Variants in SMIM31 observed in about 807,000 individuals in gnomAD.
SMIM31 encodes the protein human epithelial cell program regulator.
At chr4:164,766,209 A>C (rs1348337576) in intron 1 of SMIM31, among the ~76,000 whole-genome samples, 1 of 152,224 alleles carries the variant, frequency 6.6e-6, no homozygotes, top group Non-Finnish European at 1.5e-5. Context: ...GCCATTTTCA[A>C]AATATACTTC....
At chr4:164,790,977 C>A (rs1266929693) in intron 2 of SMIM31, among the ~76,000 whole-genome samples, 1 of 152,194 alleles carries the variant, frequency 6.6e-6, no homozygotes, top group Admixed American at 6.5e-5. Context: ...GTGGAATCTG[C>A]AAACATTCAG....
intron 1 of SMIM31, among the ~76,000 whole-genome samples, chr4:164,761,719 C>T (rs1732652484): frequency 6.6e-6 from 1 of 151,516 alleles, no homozygotes; most frequent in Admixed American, 6.6e-5. Flanking sequence ...GAGTTCAAGA[C>T]CAGCCTGGCC....
At chr4:164,783,585 T>TCTAAATGTCTGCCAAAA (rs147560190) in intron 2 of SMIM31, among the ~76,000 whole-genome samples, 1 of 150,448 alleles carries the variant, frequency 6.6e-6, no homozygotes, top group African/African-American at 2.5e-5. Context: ...AAATGAAATT[T>TCTAAATGTCTGCCAAAA]CAGAAAACAG....
intron 2 of SMIM31, among the ~76,000 whole-genome samples, chr4:164,775,580 C>A (rs886595791): frequency 6.6e-6 from 1 of 152,212 alleles, no homozygotes; most frequent in Non-Finnish European, 1.5e-5. Flanking sequence ...TTGAGGTGCT[C>A]TCCCTATAGT....
At chr4:164,772,573 T>C (rs187807820) in intron 2 of SMIM31, among the ~76,000 whole-genome samples, 183 of 88,286 alleles carry the variant, frequency 2.1e-3, no homozygotes, top group African/African-American at 6.6e-3. Context: ...TTATTTTTTT[T>C]ATTTTTATTT....
chr4:164,792,186 G>A (rs1238079190), intron 2 of SMIM31, among the ~76,000 whole-genome samples: 1 of 152,122 alleles, frequency 6.6e-6, no homozygotes, highest in Non-Finnish European at 1.5e-5. Flanking sequence ...ATGGTGCTAG[G>A]CCACAGACTA....
intron 2 of SMIM31, among the ~76,000 whole-genome samples, chr4:164,796,525 C>T (rs6824778): frequency 0.083 from 12,705 of 152,184 alleles, 595 homozygotes; most frequent in African/African-American, 0.14. Context: ...TGATGAGTCA[C>T]AAATTTGTAT....
intron 2 of SMIM31, among the ~76,000 whole-genome samples, chr4:164,794,608 C>T (rs1259194263): frequency 6.6e-6 from 1 of 151,968 alleles, no homozygotes; most frequent in Non-Finnish European, 1.5e-5. Context: ...AGATCAAGAC[C>T]ATCCTGGCCA....
chr4:164,782,239 G>C (rs530494232), intron 2 of SMIM31, among the ~76,000 whole-genome samples: 2 of 151,416 alleles, frequency 1.3e-5, no homozygotes, highest in African/African-American at 4.9e-5. Flanking sequence ...GCAGTGAGCC[G>C]AGACCGCGCC....
intron 1 of SMIM31, among the ~76,000 whole-genome samples, chr4:164,760,453 A>G (rs980990006): frequency 6.6e-6 from 1 of 152,044 alleles, no homozygotes; most frequent in African/African-American, 2.4e-5. Flanking sequence ...AATAGGGGCC[A>G]GGCCTGGTGG....
intron 1 of SMIM31, among the ~76,000 whole-genome samples, chr4:164,763,700 G>A (rs1315470049): frequency 6.6e-6 from 1 of 152,148 alleles, no homozygotes; most frequent in African/African-American, 2.4e-5. Context: ...AACAATCACA[G>A]TACATTTAGC....
In SMIM31 at chr4:164,802,003, G is replaced by C. The variant is rs1037912517; in HGVS notation, c.*809G>C. 2.0e-5 allele frequency: 3 copies of C among 152,000 alleles called. No homozygotes were observed. The highest frequency in any genetic ancestry group is 7.3e-5 in the African/African-American group (3 of 41,368). 9.4% of individuals were successfully genotyped at this position (152,000 alleles called of 1,614,324 possible). A position where few individuals can be genotyped will look rare whatever the true frequency, so the allele number is the denominator to read the frequency against. On this transcript the variant is annotated 3_prime_UTR_variant, in exon 3 of 3. Transcript: ENST00000507311. ...AATCCCAGCACTTTGGGAGGCCGAG[G>C]TGGGCAGATCACGAGGTCAGGAGAT...
chr4:164,788,478 C>CTTTTTTGTTTTTT (rs1733056315), intron 2 of SMIM31, among the ~76,000 whole-genome samples: 1 of 58,162 alleles, frequency 1.7e-5, no homozygotes, highest in Non-Finnish European at 3.2e-5. Context: ...TCTAATTTTT[C>CTTTTTTGTTTTTT]TTTTTTTTTT....
At chr4:164,758,842 G>A (rs28844270) in intron 1 of SMIM31, among the ~76,000 whole-genome samples, 1 of 39,464 alleles carries the variant, frequency 2.5e-5, no homozygotes, top group Non-Finnish European at 4.9e-5. Flanking sequence ...TTTTTTTTTT[G>A]TATTTTTAGT....
intron 2 of SMIM31, among the ~76,000 whole-genome samples, chr4:164,783,675 A>G (rs1329278261): frequency 6.6e-6 from 1 of 151,956 alleles, no homozygotes; most frequent in Admixed American, 6.5e-5. Context: ...CCAGCTACTT[A>G]GCAGGCTAAG....
At chr4:164,785,491 G>A (rs1198864629) in intron 2 of SMIM31, among the ~76,000 whole-genome samples, 1 of 151,948 alleles carries the variant, frequency 6.6e-6, no homozygotes, top group African/African-American at 2.4e-5. Flanking sequence ...GAATCAAATG[G>A]TATGGAAACT....
intron 2 of SMIM31, among the ~76,000 whole-genome samples, chr4:164,779,097 A>G (rs1216890849): frequency 6.6e-6 from 1 of 151,896 alleles, no homozygotes; most frequent in Non-Finnish European, 1.5e-5. Context: ...TTGATTGAAC[A>G]TAAATTAAAT....
intron 2 of SMIM31, among the ~76,000 whole-genome samples, chr4:164,772,731 A>G (rs1441681258): frequency 6.6e-6 from 1 of 151,576 alleles, no homozygotes; most frequent in Non-Finnish European, 1.5e-5. Context: ...GGCGCCCGCC[A>G]CCACGCCCGG....
chr4:164,801,395 C>A lies in SMIM31; in HGVS notation c.*201C>A. On this transcript the variant is annotated 3_prime_UTR_variant, in exon 3 of 3. Transcript: ENST00000507311. ...TGGGACTCAGCATTATCCAAAATAT[C>A]TATTAAGAGCCATACACCATTCTAG... The A allele has an allele frequency of 5.7e-6, 2 of 350,448 alleles. No individual in the cohort carries two copies. The highest frequency in any genetic ancestry group is 1.0e-5 in the Non-Finnish European group (2 of 196,464). The allele number at this position is 350,448 out of a possible 1,614,324, so 21.7% of individuals were successfully genotyped here. A position where few individuals can be genotyped will look rare whatever the true frequency, so the allele number is the denominator to read the frequency against.
Sources: gnomAD v4.1 joint callset for allele counts (sites outside exome capture counted in the v4.1 genomes callset) on GRCh38, gnomAD v4.1.1 for gene constraint, MANE v1.5 for transcripts, NCBI Gene and HGNC (gene_info 2026-07-23, HGNC 2026-07-21) for gene names.